SNX29: variants seen among roughly 807,000 people sequenced by gnomAD.
The protein encoded by SNX29 is sorting nexin 29.
A neutral mutation model predicts 102.1 loss-of-function variants in SNX29; 78 were observed. That is an observed-to-expected ratio of 0.76 (90% CI 0.64 to 0.92). SNX29 has a LOEUF of 0.92. SNX29 is among the 40% of genes least tolerant of loss of function. The probability of loss-of-function intolerance (pLI) is 0.00; values close to 1 mark genes in which losing one functional copy is unlikely to be tolerated. For synonymous variants in SNX29, 580 were observed against 414.5 expected (o/e 1.40, Z -4.85); for missense variants, 1,280 against 1,061.7 (o/e 1.21, Z -2.86).
At chr16:12,515,534 C>G (rs150065776) in intron 19 of SNX29, 3 of 491,106 alleles carry the variant, frequency 6.1e-6, no homozygotes, top group South Asian at 3.1e-5. Context: ...GCCTGGATGA[C>G]TGCAGCAGCA....
intron 11 of SNX29, among the ~76,000 whole-genome samples, chr16:12,125,693 A>C (rs1703490): frequency 0.2 from 28,396 of 139,722 alleles, 4,111 homozygotes; most frequent in East Asian, 0.49. Context: ...CCTGGGCTCA[A>C]ATGAACTCCT....
In SNX29 at chr16:12,573,844, T is replaced by C. The variant is rs1430077790; in HGVS notation, c.*5215T>C. On this transcript the variant is annotated 3_prime_UTR_variant, in exon 21 of 21. Transcript: ENST00000566228. ...TGGAATTTTTATTATCCAGGACTCATCCTAAGAAGAATGTTGGCCTCTCTT... is the reference window on the plus strand; with the variant it reads ...TGGAATTTTTATTATCCAGGACTCACCCTAAGAAGAATGTTGGCCTCTCTT... The C allele has an allele frequency of 9.4e-6, 2 of 213,188 alleles. No homozygotes were observed. Among genetic ancestry groups the C allele is most frequent in the African/African-American group, 4.5e-5 (2 of 44,164 alleles). 13.2% of individuals were successfully genotyped at this position (213,188 alleles called of 1,614,324 possible). A position where few individuals can be genotyped will look rare whatever the true frequency, so the allele number is the denominator to read the frequency against.
intron 20 of SNX29, among the ~76,000 whole-genome samples, chr16:12,548,486 C>A (rs1394507103): frequency 6.6e-6 from 1 of 152,224 alleles, no homozygotes; most frequent in Admixed American, 6.5e-5. Flanking sequence ...TTCAGGATGA[C>A]TAGTCAGGGT....
chr16:12,531,954 C>G (rs184654083), intron 20 of SNX29, among the ~76,000 whole-genome samples: 102 of 152,286 alleles, frequency 6.7e-4, no homozygotes, highest in African/African-American at 2.3e-3. Flanking sequence ...TATAACCGTC[C>G]TGCTGAAAAT....
At chr16:12,319,708 GCT>G (rs2080866835) in intron 15 of SNX29, among the ~76,000 whole-genome samples, 1 of 152,114 alleles carries the variant, frequency 6.6e-6, no homozygotes. Flanking sequence ...CTCGGCCATA[GCT>G]CTCTGTAGTG....
At chr16:12,312,663 G>T (rs774427515) in intron 15 of SNX29, among the ~76,000 whole-genome samples, 16 of 127,136 alleles carry the variant, frequency 1.3e-4, no homozygotes, top group Non-Finnish European at 2.2e-4. Flanking sequence ...CTGAGTGTCA[G>T]ATGTTTCTGC....
intron 13 of SNX29, among the ~76,000 whole-genome samples, chr16:12,190,232 G>C (rs1003729038): frequency 3.1e-4 from 47 of 152,084 alleles, no homozygotes; most frequent in African/African-American, 1.1e-3. Flanking sequence ...GAGTTGCCCT[G>C]ATGTCAGTTC....
chr16:12,042,358 A>C (rs2049916116), intron 4 of SNX29, among the ~76,000 whole-genome samples: 1 of 152,158 alleles, frequency 6.6e-6, no homozygotes, highest in African/African-American at 2.4e-5. Flanking sequence ...CAGCGGGTAC[A>C]TGTGCAGGTT....
intron 14 of SNX29, among the ~76,000 whole-genome samples, chr16:12,219,459 C>T (rs918016137): frequency 6.6e-6 from 1 of 152,162 alleles, no homozygotes; most frequent in Non-Finnish European, 1.5e-5. Flanking sequence ...TCTGTTTTAG[C>T]AAACGCCACT....
At chr16:12,058,274 G>A (rs2050603495) in intron 8 of SNX29, among the ~76,000 whole-genome samples, 1 of 152,120 alleles carries the variant, frequency 6.6e-6, no homozygotes, top group Non-Finnish European at 1.5e-5. Flanking sequence ...TGTGGCTGTT[G>A]GGTGGTTTAT....
intron 20 of SNX29, among the ~76,000 whole-genome samples, chr16:12,539,045 G>C (rs2077205679): frequency 6.6e-6 from 1 of 152,184 alleles, no homozygotes; most frequent in African/African-American, 2.4e-5. Context: ...GGCCCAGAAA[G>C]ACATCACTGT....
intron 13 of SNX29, among the ~76,000 whole-genome samples, chr16:12,169,538 G>A (rs889367187): frequency 2.0e-5 from 3 of 152,128 alleles, no homozygotes; most frequent in Non-Finnish European, 4.4e-5. Context: ...GACGTACTGT[G>A]TGAACAGGAG....
chr16:12,361,109 A>G (rs1246488573), intron 16 of SNX29, among the ~76,000 whole-genome samples: 3 of 152,014 alleles, frequency 2.0e-5, no homozygotes, highest in Non-Finnish European at 4.4e-5. Context: ...CATCTAATCT[A>G]CCTCCTCTGA....
chr16:12,172,606 G>A (rs941929206), intron 13 of SNX29, among the ~76,000 whole-genome samples: 1 of 152,164 alleles, frequency 6.6e-6, no homozygotes, highest in Non-Finnish European at 1.5e-5. Context: ...AATGTTGAAG[G>A]ATTAAATGAA....
chr16:12,468,203 GT>G (rs2087158469), intron 18 of SNX29, among the ~76,000 whole-genome samples: 1 of 51,730 alleles, frequency 1.9e-5, no homozygotes, highest in South Asian at 7.6e-4. Context: ...TTTAGGGGGA[GT>G]TTTACTGTTT....
chr16:12,509,055 T>C (rs967610947), intron 19 of SNX29, among the ~76,000 whole-genome samples: 2 of 152,108 alleles, frequency 1.3e-5, no homozygotes, highest in African/African-American at 2.4e-5. Context: ...CATTATGGTC[T>C]CTCTGCCCAC....
intron 11 of SNX29, among the ~76,000 whole-genome samples, chr16:12,088,757 G>A (rs544558603): frequency 1.3e-5 from 2 of 151,966 alleles, no homozygotes; most frequent in South Asian, 4.2e-4. Context: ...ACCAGCCTGG[G>A]CAACATAGCA....
intron 19 of SNX29, among the ~76,000 whole-genome samples, chr16:12,514,751 C>T (rs1025979419): frequency 6.6e-5 from 10 of 151,964 alleles, no homozygotes; most frequent in Non-Finnish European, 1.5e-4. Context: ...TGTAATCCCT[C>T]CTACTCGGGA....
intron 14 of SNX29, among the ~76,000 whole-genome samples, chr16:12,241,925 CTG>C (rs1179373195): frequency 6.6e-6 from 1 of 152,150 alleles, no homozygotes; most frequent in Non-Finnish European, 1.5e-5. Flanking sequence ...GCTCCTGCCT[CTG>C]TGCCAGGAGG....
Sources: gnomAD v4.1 joint callset for allele counts (sites outside exome capture counted in the v4.1 genomes callset) on GRCh38, gnomAD v4.1.1 for gene constraint, MANE v1.5 for transcripts, NCBI Gene and HGNC (gene_info 2026-07-23, HGNC 2026-07-21) for gene names.